Variants in NEU1 observed in about 807,000 individuals in gnomAD.
NEU1 encodes neuraminidase 1.
In NEU1, 32 loss-of-function variants were observed where a neutral mutation model predicts 38.3. The ratio of observed to expected loss-of-function variants is 0.84; its 90% CI spans 0.63 to 1.12. NEU1 has a LOEUF of 1.12. Among genes scored for constraint, NEU1 ranks in the 50% most tolerant of loss-of-function variants. NEU1 has a pLI of 0.00. For synonymous variants in NEU1, 192 were observed against 225.2 expected, an observed-to-expected ratio of 0.85 and a Z score of 1.32; for missense variants, 431 against 549.2, an observed-to-expected ratio of 0.78 and a Z score of 2.15.
Position 31,860,597 on chromosome 6 carries a change from G to T in NEU1, c.640C>A (p.Arg214Ser). 6.2e-7 allele frequency: 1 copy of T among 1,613,888 alleles called. No homozygotes were observed. Among genetic ancestry groups the T allele is most frequent in the Non-Finnish European group, 8.5e-7 (1 of 1,180,020 alleles). The change falls in exon 4 of 6, where the codon CGC becomes AGC. Residue 214 changes from arginine (R) to serine (S), a missense_variant. Coordinates refer to ENST00000375631, the MANE Select transcript of NEU1 (RefSeq NM_000434.4). This position sits in a 1 kb window ranked among gnomAD's most constrained non-coding sequence, Gnocchi z 4.8. ...IQKQREPRKG[R>S]LIVCGHGTLE... The stretch of plus-strand genomic sequence containing the variant: ...GTCCCATGGCCACACACGATGAGGC[G>T]GCCCTTCCGTGGCTCCCGCTGTTTC...
In NEU1 at chr6:31,860,348, G is replaced by A; in HGVS notation, c.799-84C>T. ...GGAGCAAGGGTGTGTGGCACTGAGT[G>A]GAGCAGTCAGACCCTGGGTCTGTGC... On this transcript the variant is annotated intron_variant, in intron 4 of 5. Transcript: ENST00000375631. The surrounding 1 kb of genome is among the most constrained non-coding windows in gnomAD (Gnocchi z 4.8). 6.2e-7 allele frequency: 1 copy of A among 1,602,100 alleles called. No homozygotes were observed. Among genetic ancestry groups the A allele is most frequent in the Non-Finnish European group, 8.6e-7 (1 of 1,169,422 alleles).
intron 2 of NEU1, 70 bp from the exon 3 acceptor site, chr6:31,861,520 A>C: frequency 6.2e-7 from 1 of 1,604,428 alleles, no homozygotes; most frequent in South Asian, 1.1e-5. Flanking sequence ...CTTCCCGTTA[A>C]TTTCCCACCT....
At position 31,859,926 on chromosome 6, in the gene NEU1, T is replaced by G. The variant is rs1762437509; in HGVS notation, c.1041A>C (p.Arg347=). Residue 347 remains arginine, a synonymous_variant, in exon 6 of 6, where the codon CGA becomes CGC. Coordinates refer to ENST00000375631, the MANE Select transcript of NEU1 (RefSeq NM_000434.4). ...HPEFRVNLTL[R]WSFSNGTSWR... ...ATGAGGTACCATTGCTGAAGCTCCA[T>G]CGCAGGGTCAGGTTCACTCCTGGGG... is the stretch of plus-strand genomic sequence containing the variant. 6.2e-7 allele frequency: 1 copy of G among 1,612,984 alleles called. No individual in the cohort carries two copies. The highest frequency in any genetic ancestry group is 8.5e-7 in the Non-Finnish European group (1 of 1,180,022).
chr6:31,859,806 G>A lies in NEU1; in HGVS notation c.1161C>T (p.Pro387=), dbSNP rs780888489. Reference sequence around the variant, plus strand: ...CTTTCTCATACAGGACGTAGAGCTGGGGGGCCTGCTCCTCTCCATCCATGC... The same window carrying A: ...CTTTCTCATACAGGACGTAGAGCTGAGGGGCCTGCTCCTCTCCATCCATGC... ...EGSMDGEEQA[P]QLYVLYEKGR... Residue 387 remains proline, a synonymous_variant, in exon 6 of 6, where the codon CCC becomes CCT. Transcript: ENST00000375631. 6.2e-7 allele frequency: 1 copy of A among 1,613,054 alleles called. No homozygotes were observed. Among genetic ancestry groups the A allele is most frequent in the Non-Finnish European group, 8.5e-7 (1 of 1,180,024 alleles).
At position 31,862,273 on chromosome 6, in the gene NEU1, G is replaced by A. The variant is rs1762552305; in HGVS notation, c.160-82C>T. On this transcript the variant is annotated intron_variant, in intron 1 of 5. Transcript: ENST00000375631. The surrounding 1 kb of genome is among the most constrained non-coding windows in gnomAD (Gnocchi z 6.3). ...ACCCACGTTCCGATGGGAGAGGGAG[G>A]ATCTAATGGGGATCCCGAGTAGGGG... is the stretch of plus-strand genomic sequence containing the variant. The A allele has an allele frequency of 6.9e-7, 1 of 1,441,050 alleles. No individual in the cohort carries two copies. Among genetic ancestry groups the A allele is most frequent in the East Asian group, 2.4e-5 (1 of 42,426 alleles). 89.3% of individuals were successfully genotyped at this position (1,441,050 alleles called of 1,614,324 possible).
Position 31,860,338 on chromosome 6 carries a change from GGCAC to G in NEU1, c.799-78_799-75del. ...GTCCCCGAGGGGAGCAAGGGTGTGTGGCACTGAGTGGAGCAGTCAGACCCTGGGT... is the reference window on the plus strand; with the variant it reads ...GTCCCCGAGGGGAGCAAGGGTGTGTGTGAGTGGAGCAGTCAGACCCTGGGT... On this transcript the variant is annotated intron_variant, in intron 4 of 5. Transcript: ENST00000375631. The surrounding 1 kb of genome is among the most constrained non-coding windows in gnomAD (Gnocchi z 4.8). The G allele has an allele frequency of 6.2e-7, 1 of 1,601,292 alleles. No homozygotes were observed.
Position 31,862,483 on chromosome 6 carries a change from TAGG to T in NEU1, c.159+132_159+134del. ...GGAGAGGGAGAGGGGCTGGGAGCGG[TAGG>T]AGGAAACGGGGTCTGGGAGAAAGAA... On this transcript the variant is annotated intron_variant, in intron 1 of 5. Transcript: ENST00000375631. The surrounding 1 kb of genome is among the most constrained non-coding windows in gnomAD (Gnocchi z 6.3). 1.0e-5 allele frequency: 13 copies of T among 1,259,070 alleles called. No homozygotes were observed. Among genetic ancestry groups the T allele is most frequent in the Non-Finnish European group, 1.5e-5 (13 of 882,836 alleles). 78.0% of individuals were successfully genotyped at this position (1,259,070 alleles called of 1,614,324 possible). A position where few individuals can be genotyped will look rare whatever the true frequency, so the allele number is the denominator to read the frequency against.
In NEU1 at chr6:31,861,213, G is replaced by A; in HGVS notation, c.590C>T (p.Ala197Val). 6.2e-7 allele frequency: 1 copy of A among 1,612,142 alleles called. No homozygotes were observed. Reference protein sequence around the residue: ...LSLDIGTEVFAPGPGSGIQKQ... With the variant: ...LSLDIGTEVFVPGPGSGIQKQ... ...CTGAATACCAGAGCCCGGTCCAGGG[G>A]CAAACACTTCAGTGCCAATATCCAG... The change falls in exon 3 of 6, where the codon GCC becomes GTC. Residue 197 changes from alanine to valine, a missense_variant. Ala to Val is a moderately conservative substitution (Grantham distance 64, BLOSUM62 0). Coordinates refer to ENST00000375631, the MANE Select transcript of NEU1 (RefSeq NM_000434.4).
Position 31,862,808 on chromosome 6 carries a change from T to TGCCG in NEU1, c.-33_-32insCGGC. On this transcript the variant is annotated 5_prime_UTR_variant, in exon 1 of 6. Transcript: ENST00000375631. This position sits in a 1 kb window ranked among gnomAD's most constrained non-coding sequence, Gnocchi z 6.3. ...CCGCAGCTGCCGCGACCCTGGCAGCTAGACTCCACAGAGTCGGGAGTCAGC... is the reference window on the plus strand; with the variant it reads ...CCGCAGCTGCCGCGACCCTGGCAGCTGCCGAGACTCCACAGAGTCGGGAGTCAGC... 1 of 1,612,012 alleles carries TGCCG rather than the reference T, an allele frequency of 6.2e-7. No individual in the cohort carries two copies. The highest frequency in any genetic ancestry group is 8.5e-7 in the Non-Finnish European group (1 of 1,179,706).
Position 31,859,537 on chromosome 6 carries a change from G to A in NEU1, c.*182C>T, listed in dbSNP as rs760900427. ...AGGGCAGGACTTTTTTGTGGGAGAG[G>A]ACGCCTAGCTTTCAGTCCTAAAGGA... is the stretch of plus-strand genomic sequence containing the variant. On this transcript the variant is annotated 3_prime_UTR_variant, in exon 6 of 6. Coordinates refer to ENST00000375631, the MANE Select transcript of NEU1 (RefSeq NM_000434.4). 7.2e-6 allele frequency: 5 copies of A among 697,374 alleles called. No individual in the cohort carries two copies. The highest frequency in any genetic ancestry group is 3.5e-5 in the African/African-American group (2 of 56,762). The allele number at this position is 697,374 out of a possible 1,614,324, so 43.2% of individuals were successfully genotyped here. A position where few individuals can be genotyped will look rare whatever the true frequency, so the allele number is the denominator to read the frequency against.
Position 31,859,527 on chromosome 6 carries a change from T to C in NEU1, c.*192A>G. 1.5e-6 allele frequency: 1 copy of C among 683,020 alleles called. No homozygotes were observed. The highest frequency in any genetic ancestry group is 2.1e-5 in the Admixed American group (1 of 47,324). The allele number at this position is 683,020 out of a possible 1,614,324, so 42.3% of individuals were successfully genotyped here. ...TTCTCAGATGAGGGCAGGACTTTTT[T>C]GTGGGAGAGGACGCCTAGCTTTCAG... On this transcript the variant is annotated 3_prime_UTR_variant, in exon 6 of 6. Coordinates refer to ENST00000375631, the MANE Select transcript of NEU1 (RefSeq NM_000434.4).
rs781300543 is a variant in NEU1, at chr6:31,860,307, T to C, written c.799-43A>G. On this transcript the variant is annotated intron_variant, in intron 4 of 5. Transcript: ENST00000375631. The surrounding 1 kb of genome is among the most constrained non-coding windows in gnomAD (Gnocchi z 4.8). ...GACCTCAGGGAGGGAACAGGGAAAA[T>C]GCCCTGTCCCCGAGGGGAGCAAGGG... The C allele has an allele frequency of 1.9e-6, 3 of 1,609,020 alleles. No individual in the cohort carries two copies. Among genetic ancestry groups the C allele is most frequent in the Non-Finnish European group, 1.7e-6 (2 of 1,176,058 alleles).
In NEU1 at chr6:31,862,491, A is replaced by C. The variant is rs1762562582; in HGVS notation, c.159+127T>G. The C allele has an allele frequency of 7.4e-7, 1 of 1,354,946 alleles. No homozygotes were observed. Among genetic ancestry groups the C allele is most frequent in the Non-Finnish European group, 1.0e-6 (1 of 961,918 alleles). 83.9% of individuals were successfully genotyped at this position (1,354,946 alleles called of 1,614,324 possible). A position where few individuals can be genotyped will look rare whatever the true frequency, so the allele number is the denominator to read the frequency against. On this transcript the variant is annotated intron_variant, in intron 1 of 5. Transcript: ENST00000375631. This position sits in a 1 kb window ranked among gnomAD's most constrained non-coding sequence, Gnocchi z 6.3. The stretch of plus-strand genomic sequence containing the variant: ...AGAGGGGCTGGGAGCGGTAGGAGGA[A>C]ACGGGGTCTGGGAGAAAGAAAAGGG...
chr6:31,861,001 C>T (rs2151545163), intron 3 of NEU1, 187 bp downstream of exon 3: 1 of 763,728 alleles, frequency 1.3e-6, no homozygotes, highest in East Asian at 2.7e-5. Flanking sequence ...AAATGGGAAG[C>T]CAATGGCAGA....
Position 31,862,546 on chromosome 6 carries a change from C to A in NEU1, c.159+72G>T, listed in dbSNP as rs144295866. ...GTCGCGGAAAGTCGGCTCAGCCGCC[C>A]GCGTTCCGGGGGACACTAGGTGTCG... On this transcript the variant is annotated intron_variant, in intron 1 of 5. Transcript: ENST00000375631. This position sits in a 1 kb window ranked among gnomAD's most constrained non-coding sequence, Gnocchi z 6.3. 1,768 of 1,607,248 alleles carry A rather than the reference C, an allele frequency of 1.1e-3. 11 individuals are homozygous for A. In the African/African-American group the frequency reaches 0.017, roughly 15 times the overall value.
In NEU1 at chr6:31,862,082, A is replaced by G; in HGVS notation, c.269T>C (p.Leu90Pro). 3 of 1,613,114 alleles carry G rather than the reference A, an allele frequency of 1.9e-6. No individual in the cohort carries two copies. The highest frequency in any genetic ancestry group is 2.5e-6 in the Non-Finnish European group (3 of 1,180,040). The change falls in exon 2 of 6, where the codon CTT becomes CCT. Residue 90 changes from leucine (L) to proline (P), a missense_variant. Transcript: ENST00000375631. The surrounding 1 kb of genome is among the most constrained non-coding windows in gnomAD (Gnocchi z 6.3). ...TTTCCTCGCCTCAGCAAAGGCGAGA[A>G]GAGTGCCCCGCGGAGTGGCTGTGAT... Reference protein sequence around the residue: ...PLITATPRGTLLAFAEARKMS... With the variant: ...PLITATPRGTPLAFAEARKMS...
chr6:31,861,888 G>C lies in NEU1; in HGVS notation c.352+111C>G, dbSNP rs1762529919. ...TTCTCGGGTTCCCTCTACCCCTCAGGGACTCAGGCAACCAACCCTCTAAGT... is the reference window on the plus strand; with the variant it reads ...TTCTCGGGTTCCCTCTACCCCTCAGCGACTCAGGCAACCAACCCTCTAAGT... On this transcript the variant is annotated intron_variant, in intron 2 of 5. Transcript: ENST00000375631. 8.2e-6 allele frequency: 10 copies of C among 1,219,868 alleles called. No homozygotes were observed. In the East Asian group the frequency reaches 9.3e-5, roughly 11 times the overall value. The allele number at this position is 1,219,868 out of a possible 1,614,324, so 75.6% of individuals were successfully genotyped here.
In NEU1 at chr6:31,860,211, G is replaced by C. The variant is rs1762453915; in HGVS notation, c.852C>G (p.Asn284Lys). 1.2e-6 allele frequency: 2 copies of C among 1,612,922 alleles called. No individual in the cohort carries two copies. The highest frequency in any genetic ancestry group is 1.3e-5 in the African/African-American group (1 of 74,910). ...GGACAATTCGGCAGTGGCAGTGGTA[G>C]TTGTTCTGGTTTCGGGCATTGATGA... ...SVVINARNQN[N>K]YHCHCRIVLR... Residue 284 changes from asparagine to lysine, a missense_variant, in exon 5 of 6, where the codon AAC becomes AAG. Physicochemically the swap from Asn to Lys is moderately conservative, Grantham distance 94 (BLOSUM62 0). Coordinates refer to ENST00000375631, the MANE Select transcript of NEU1 (RefSeq NM_000434.4). This position sits in a 1 kb window ranked among gnomAD's most constrained non-coding sequence, Gnocchi z 4.8.
rs371406291 is a variant in NEU1 at position 31,861,988 on chromosome 6, C to G, written c.352+11G>C. ...CCTAGCACCGGCTCTTTCACCCAGA[C>G]ATCTTTATACCCTGGTCCATGGACC... On this transcript the variant is annotated intron_variant, in intron 2 of 5. Coordinates refer to ENST00000375631, the MANE Select transcript of NEU1 (RefSeq NM_000434.4). 5.8e-5 allele frequency: 93 copies of G among 1,613,004 alleles called. No homozygotes were observed. In the African/African-American group the frequency reaches 1.2e-3, roughly 20 times the overall value.
Sources: allele counts gnomAD v4.1 joint callset, GRCh38; gene constraint gnomAD v4.1.1; non-coding constraint Gnocchi (gnomAD v3.1); transcripts MANE v1.5; gene names NCBI Gene and HGNC (gene_info 2026-07-23, HGNC 2026-07-21).